RASGEF1B: variants seen among roughly 807,000 people sequenced by gnomAD.
RASGEF1B encodes the protein ras-GEF domain-containing family member 1B.
RASGEF1B carries 30 observed loss-of-function variants against 65.7 expected under a neutral mutation model. The observed-to-expected ratio is 0.46, with a 90% confidence interval of 0.34 to 0.62. The LOEUF (loss-of-function observed/expected upper bound fraction) is 0.62. RASGEF1B is among the 20% of genes least tolerant of loss of function. The pLI is 0.01. For synonymous variants in RASGEF1B, 175 were observed against 194.8 expected, an observed-to-expected ratio of 0.90 and a Z score of 0.85; for missense variants, 495 against 580.1, an observed-to-expected ratio of 0.85 and a Z score of 1.51.
chr4:81,444,814 G>C (rs546340813), intron 8 of RASGEF1B, among the ~76,000 whole-genome samples: 4 of 152,198 alleles, frequency 2.6e-5, no homozygotes, highest in African/African-American at 9.7e-5. Flanking sequence ...GATTACAGGC[G>C]TGAGCCACTG....
intron 4 of RASGEF1B, 50 bp downstream of exon 4, chr4:81,456,601 C>T (rs754200284): frequency 1.9e-6 from 3 of 1,608,344 alleles, no homozygotes; most frequent in African/African-American, 1.3e-5. Flanking sequence ...ATTTCCCACC[C>T]AGGCTCTGCC....
At chr4:81,443,970 C>T (rs1721935016) in intron 8 of RASGEF1B, among the ~76,000 whole-genome samples, 1 of 152,156 alleles carries the variant, frequency 6.6e-6, no homozygotes, top group African/African-American at 2.4e-5. Context: ...TCCAGTCATT[C>T]TAGTGTATGC....
intron 10 of RASGEF1B, among the ~76,000 whole-genome samples, chr4:81,437,296 A>G (rs887304427): frequency 3.0e-4 from 45 of 152,192 alleles, no homozygotes; most frequent in Admixed American, 2.0e-4. Context: ...AATTCAAATG[A>G]CAGTGGCCAT....
intron 1 of RASGEF1B, among the ~76,000 whole-genome samples, 164 bp from the exon 2 acceptor site, chr4:81,459,678 GCT>G (rs931131356): frequency 3.9e-5 from 6 of 152,154 alleles, no homozygotes; most frequent in Non-Finnish European, 4.4e-5. Context: ...GAACCAAATT[GCT>G]CTCTGAGTAC....
intron 6 of RASGEF1B, among the ~76,000 whole-genome samples, chr4:81,447,134 C>CA (rs1483904364): frequency 6.6e-6 from 1 of 152,196 alleles, no homozygotes; most frequent in Non-Finnish European, 1.5e-5. Context: ...TTTCCTGCCC[C>CA]TGCTATTGTT....
At chr4:81,466,809 A>AGAAAGAAG (rs1722847155) in intron 1 of RASGEF1B, among the ~76,000 whole-genome samples, 1 of 150,048 alleles carries the variant, frequency 6.7e-6, no homozygotes, top group Non-Finnish European at 1.5e-5. Flanking sequence ...AAAGAAAGAA[A>AGAAAGAAG]GAAAGAAAGA....
intron 13 of RASGEF1B, among the ~76,000 whole-genome samples, chr4:81,429,333 T>A (rs1251384825): frequency 1.3e-5 from 2 of 152,342 alleles, no homozygotes; most frequent in East Asian, 3.9e-4. Context: ...CAAAGCTCCT[T>A]AAAAAACAAT....
chr4:81,463,247 C>G (rs1333928996), intron 1 of RASGEF1B, among the ~76,000 whole-genome samples: 3 of 152,118 alleles, frequency 2.0e-5, no homozygotes, highest in Non-Finnish European at 2.9e-5. Flanking sequence ...AGTATTTAAG[C>G]TACTGACCTT....
chr4:81,429,007 C>A (rs936652357), intron 13 of RASGEF1B, among the ~76,000 whole-genome samples: 1 of 152,254 alleles, frequency 6.6e-6, no homozygotes, highest in African/African-American at 2.4e-5. Flanking sequence ...AATGACACTA[C>A]AGGAGCATGG....
At chr4:81,444,306 C>T (rs544013234) in intron 8 of RASGEF1B, among the ~76,000 whole-genome samples, 6 of 152,212 alleles carry the variant, frequency 3.9e-5, no homozygotes, top group Non-Finnish European at 5.9e-5. Flanking sequence ...CCTTTCAGTC[C>T]CTGATTCAGA....
intron 4 of RASGEF1B, chr4:81,455,769 T>A (rs191379928): frequency 6.6e-6 from 1 of 152,324 alleles, no homozygotes; most frequent in East Asian, 1.9e-4. Flanking sequence ...CTGAGGGAAG[T>A]GATATTTATG....
intron 1 of RASGEF1B, among the ~76,000 whole-genome samples, chr4:81,463,758 T>C (rs1722721401): frequency 6.6e-6 from 1 of 152,208 alleles, no homozygotes; most frequent in South Asian, 2.1e-4. Context: ...TTCCCTCTTG[T>C]TAACCACACC....
At position 81,447,487 on chromosome 4, in the gene RASGEF1B, T is replaced by C. The variant is rs1560701893; in HGVS notation, c.729+17A>G. 2 of 1,606,042 alleles carry C rather than the reference T, an allele frequency of 1.2e-6. No individual in the cohort carries two copies. Among genetic ancestry groups the C allele is most frequent in the Non-Finnish European group, 1.7e-6 (2 of 1,172,744 alleles). On this transcript the variant is annotated intron_variant, in intron 6 of 13. Coordinates refer to ENST00000264400, the MANE Select transcript of RASGEF1B (RefSeq NM_152545.3). Reference sequence around the variant, plus strand: ...CCATTTTTGGTTTCAGTGCTGACCTTTGGGTAGACTGATTACCTTGTCATT... The same window carrying C: ...CCATTTTTGGTTTCAGTGCTGACCTCTGGGTAGACTGATTACCTTGTCATT...
intron 1 of RASGEF1B, among the ~76,000 whole-genome samples, chr4:81,464,409 T>C (rs529129726): frequency 6.6e-6 from 1 of 152,210 alleles, no homozygotes; most frequent in Non-Finnish European, 1.5e-5. Context: ...GAGATTTGTA[T>C]GAGACACAAG....
chr4:81,461,174 G>A (rs1479348350), intron 1 of RASGEF1B, among the ~76,000 whole-genome samples: 1 of 152,204 alleles, frequency 6.6e-6, no homozygotes, highest in Non-Finnish European at 1.5e-5. Flanking sequence ...CTACTCCTGT[G>A]CAATATAATC....
At chr4:81,467,767 CATTTGGTCATAAT>C (rs754777049) in intron 1 of RASGEF1B, among the ~76,000 whole-genome samples, 1 of 152,116 alleles carries the variant, frequency 6.6e-6, no homozygotes, top group Non-Finnish European at 1.5e-5. Flanking sequence ...CTAATAATGC[CATTTGGTCATAAT>C]GCCTTACATT....
intron 4 of RASGEF1B, among the ~76,000 whole-genome samples, chr4:81,449,390 G>C (rs997867936): frequency 6.6e-6 from 1 of 152,146 alleles, no homozygotes; most frequent in African/African-American, 2.4e-5. Flanking sequence ...TCAACCTCCT[G>C]ACTTTTAAAA....
chr4:81,445,730 T>G lies in RASGEF1B; in HGVS notation c.825+13A>C, dbSNP rs773023896. 6.2e-6 allele frequency: 10 copies of G among 1,609,354 alleles called. No individual in the cohort carries two copies. The African/African-American group carries it at 1.2e-4, about 19-fold the overall frequency. On this transcript the variant is annotated intron_variant, in intron 7 of 13. Transcript: ENST00000264400. Reference sequence around the variant, plus strand: ...ATGTTGAGAACTAGGAGACAGAAAATTCATTTCCTCACCATACAGATTTCT... The same window carrying G: ...ATGTTGAGAACTAGGAGACAGAAAAGTCATTTCCTCACCATACAGATTTCT...
chr4:81,453,544 C>CCA (rs1357009805), intron 4 of RASGEF1B: 3 of 152,190 alleles, frequency 2.0e-5, no homozygotes, highest in African/African-American at 7.2e-5. Flanking sequence ...TATTTTCAAT[C>CCA]TGAGGTTGGT....
Sources: gnomAD v4.1 joint callset for allele counts (sites outside exome capture counted in the v4.1 genomes callset) on GRCh38, gnomAD v4.1.1 for gene constraint, MANE v1.5 for transcripts, NCBI Gene and HGNC (gene_info 2026-07-23, HGNC 2026-07-21) for gene names.